The following ABCA13 variants were observed in gnomAD, a reference collection of about 807,000 sequenced individuals.
ABCA13 encodes the protein ATP binding cassette subfamily A member 13, also known as ATP-binding cassette sub-family A member 13.
ABCA13 carries 476 observed loss-of-function variants against 478.7 expected under a neutral mutation model. That is an observed-to-expected ratio of 0.99 (90% CI 0.92 to 1.07). The LOEUF (loss-of-function observed/expected upper bound fraction) is 1.07, where lower values mean the gene tolerates loss of function less well. Ranked by LOEUF, ABCA13 falls within the 50% of genes least tolerant of loss-of-function variation. The probability of loss-of-function intolerance (pLI) is 0.00; values close to 1 mark genes in which losing one functional copy is unlikely to be tolerated. For missense variants in ABCA13, 6,060 were observed against 5,910.6 expected (o/e 1.03, Z -0.83); for synonymous variants, 2,252 against 2,158.9 (o/e 1.04, Z -1.20).
intron 58 of ABCA13, among the ~76,000 whole-genome samples, chr7:48,613,516 G>A (rs796178220): frequency 7.0e-6 from 1 of 142,368 alleles, no homozygotes; most frequent in South Asian, 2.2e-4. Flanking sequence ...AGTTTGCTGT[G>A]TTAAGACACA....
chr7:48,203,670 A>G (rs1213662072), intron 3 of ABCA13, among the ~76,000 whole-genome samples: 2 of 152,188 alleles, frequency 1.3e-5, no homozygotes, highest in Non-Finnish European at 2.9e-5. Context: ...ACAGAAGTGG[A>G]TATTCTTGTG....
intron 3 of ABCA13, among the ~76,000 whole-genome samples, chr7:48,213,530 G>C (rs1409724441): frequency 6.6e-6 from 1 of 152,152 alleles, no homozygotes; most frequent in Non-Finnish European, 1.5e-5. Context: ...ACTGCTGACT[G>C]ATCAGGGTGG....
chr7:48,269,604 G>A (rs143647419), intron 16 of ABCA13, among the ~76,000 whole-genome samples: 10 of 152,260 alleles, frequency 6.6e-5, no homozygotes, highest in Admixed American at 1.3e-4. Flanking sequence ...AGGTATACTC[G>A]GTTATTTGTG....
intron 31 of ABCA13, among the ~76,000 whole-genome samples, chr7:48,361,565 T>C (rs992597545): frequency 6.6e-6 from 1 of 151,854 alleles, no homozygotes; most frequent in Non-Finnish European, 1.5e-5. Context: ...TTCTGTATCT[T>C]CAATATATTC....
Position 48,214,701 on chromosome 7 carries a change from T to C in ABCA13, c.288-4653T>C, listed in dbSNP as rs1423209904. Among the ~76,000 whole-genome samples, 8 of 152,208 alleles carry C rather than the reference T, an allele frequency of 5.3e-5. No homozygotes were observed. In the East Asian group the frequency reaches 1.2e-3, roughly 22 times the overall value. ...ACCAACCTCTGCTAACTTCAGACTTTCCTTCTGCAGCTTCCTCACCTCTCT... is the reference window on the plus strand; with the variant it reads ...ACCAACCTCTGCTAACTTCAGACTTCCCTTCTGCAGCTTCCTCACCTCTCT... On this transcript the variant is annotated intron_variant, in intron 3 of 61. Coordinates refer to ENST00000435803, the MANE Select transcript of ABCA13 (RefSeq NM_152701.5).
At chr7:48,239,537 C>A in intron 9 of ABCA13, 132 bp downstream of exon 9, 2 of 1,069,962 alleles carry the variant, frequency 1.9e-6, no homozygotes, top group South Asian at 3.8e-5. Flanking sequence ...TTAGGAGCCC[C>A]ACATCCTGGC....
chr7:48,468,132 T>A (rs1827087684), intron 44 of ABCA13, among the ~76,000 whole-genome samples: 2 of 145,278 alleles, frequency 1.4e-5, no homozygotes, highest in Admixed American at 1.4e-4. Flanking sequence ...AAAAAAAAAA[T>A]CTTTTATCTA....
Position 48,352,078 on chromosome 7 carries a change from A to C in ABCA13, c.10382-103A>C. ...GAGTCTGCAGGAGTGGAGGGCTGTG[A>C]GTCTCAGGCTCCTGCAACTTTTCCT... On this transcript the variant is annotated intron_variant, in intron 30 of 61. Coordinates refer to ENST00000435803, the MANE Select transcript of ABCA13 (RefSeq NM_152701.5). The C allele has an allele frequency of 2.6e-6, 3 of 1,155,104 alleles. No individual in the cohort carries two copies. The Middle Eastern group carries it at 6.1e-4, about 237-fold the overall frequency. The allele number at this position is 1,155,104 out of a possible 1,614,324, so 71.6% of individuals were successfully genotyped here.
chr7:48,424,110 A>G (rs890067609), intron 41 of ABCA13, among the ~76,000 whole-genome samples: 2 of 152,210 alleles, frequency 1.3e-5, no homozygotes, highest in Non-Finnish European at 2.9e-5. Flanking sequence ...ATTCTTCTTA[A>G]ATTGGAAAGT....
intron 58 of ABCA13, among the ~76,000 whole-genome samples, chr7:48,598,261 C>A (rs1198882345): frequency 3.3e-5 from 5 of 152,144 alleles, no homozygotes; most frequent in African/African-American, 1.2e-4. Flanking sequence ...GGCTTGATAG[C>A]TCATTTCATT....
chr7:48,462,019 A>T (rs1190214739), intron 43 of ABCA13, among the ~76,000 whole-genome samples: 1 of 144,844 alleles, frequency 6.9e-6, no homozygotes, highest in African/African-American at 2.7e-5. Context: ...CCACATGGGG[A>T]GATATTTAGG....
At chr7:48,171,602 A>G in intron 1 of ABCA13, 50 bp downstream of exon 1, 1 of 1,524,606 alleles carries the variant, frequency 6.6e-7, no homozygotes, top group South Asian at 1.2e-5. Flanking sequence ...GTCTGGAGCA[A>G]GATCAGGGTC....
intron 34 of ABCA13, among the ~76,000 whole-genome samples, chr7:48,375,030 C>G (rs1431367096): frequency 6.6e-6 from 1 of 152,210 alleles, no homozygotes; most frequent in South Asian, 2.1e-4. Context: ...TGATCTGTCA[C>G]TGTCTCGCAT....
In ABCA13 at chr7:48,571,513, CTT is replaced by C. The variant is rs554912660; in HGVS notation, c.14355-8709_14355-8708del. Among the ~76,000 whole-genome samples, 65 of 150,778 alleles carry C rather than the reference CTT, an allele frequency of 4.3e-4. No homozygotes were observed. The East Asian group carries it at 0.012, about 28-fold the overall frequency. ...TTTTTTTTCTTTTAACCTTTTGACA[CTT>C]TGTGTATGCCATCCTATTGTGTTCT... On this transcript the variant is annotated intron_variant, in intron 55 of 61. Coordinates refer to ENST00000435803, the MANE Select transcript of ABCA13 (RefSeq NM_152701.5).
chr7:48,479,088 C>T (rs1173440027), intron 45 of ABCA13, among the ~76,000 whole-genome samples: 1 of 151,164 alleles, frequency 6.6e-6, no homozygotes, highest in Non-Finnish European at 1.5e-5. Flanking sequence ...GCTGGGACTA[C>T]AGGTGGCCGC....
chr7:48,174,821 A>C (rs1228532373), intron 1 of ABCA13, among the ~76,000 whole-genome samples: 1 of 152,186 alleles, frequency 6.6e-6, no homozygotes, highest in Admixed American at 6.5e-5. Flanking sequence ...AAGTTACTGT[A>C]TGGTCTTCTT....
rs191038085 is a variant in ABCA13, at chr7:48,596,511, A to G, written c.14744+1698A>G. On this transcript the variant is annotated intron_variant, in intron 58 of 61. Coordinates refer to ENST00000435803, the MANE Select transcript of ABCA13 (RefSeq NM_152701.5). ...CCCAAATTTTCTCATGCTTACTTTCAGTTAAATTAGCATTTGAGGCTAGGT... is the reference window on the plus strand; with the variant it reads ...CCCAAATTTTCTCATGCTTACTTTCGGTTAAATTAGCATTTGAGGCTAGGT... Among the ~76,000 whole-genome samples the G allele has an allele frequency of 1.6e-4, 25 of 152,308 alleles. No homozygotes were observed. In the East Asian group the frequency reaches 4.2e-3, roughly 26 times the overall value.
intron 23 of ABCA13, among the ~76,000 whole-genome samples, 162 bp from the exon 24 acceptor site, chr7:48,309,785 G>C (rs1206400258): frequency 6.6e-6 from 1 of 152,198 alleles, no homozygotes; most frequent in Non-Finnish European, 1.5e-5. Flanking sequence ...TCAAAATGTT[G>C]AGAATCGAAC....
chr7:48,352,606 C>T (rs1809215190), intron 31 of ABCA13, 119 bp downstream of exon 31: 20 of 1,197,110 alleles, frequency 1.7e-5, no homozygotes, highest in Middle Eastern at 2.9e-4. Context: ...AAAAGTTCAC[C>T]CCCCACTTTT....
Sources: gnomAD v4.1 joint callset for allele counts (sites outside exome capture counted in the v4.1 genomes callset) on GRCh38, gnomAD v4.1.1 for gene constraint, MANE v1.5 for transcripts, NCBI Gene and HGNC (gene_info 2026-07-23, HGNC 2026-07-21) for gene names.